SIN3A: variants seen among roughly 807,000 people sequenced by gnomAD.
SIN3A encodes the protein paired amphipathic helix protein Sin3a.
Under a neutral mutation model 146.1 loss-of-function variants are expected in SIN3A, and 14 were observed. That is an observed-to-expected ratio of 0.10 (90% CI 0.06 to 0.15). The LOEUF is 0.15. Among genes scored for constraint, SIN3A ranks in the 10% least tolerant of loss-of-function variants. The probability of loss-of-function intolerance (pLI) is 1.00; values close to 1 mark genes in which losing one functional copy is unlikely to be tolerated. For missense variants in SIN3A, 1,028 were observed against 1,576.0 expected (o/e 0.65, Z 5.89); for synonymous variants, 572 against 572.0 (o/e 1.00, Z 0.00).
chr15:75,447,426 T>C (rs771697884), intron 1 of SIN3A, among the ~76,000 whole-genome samples: 7 of 152,216 alleles, frequency 4.6e-5, no homozygotes, highest in Non-Finnish European at 7.3e-5. Context: ...AGTGGAGACC[T>C]TGAGTGGGCC....
In SIN3A at chr15:75,371,912, G is replaced by A. The variant is rs2072758169; in HGVS notation, c.*67C>T. The A allele has an allele frequency of 1.0e-5, 14 of 1,381,558 alleles. No homozygotes were observed. The highest frequency in any genetic ancestry group is 1.2e-5 in the Non-Finnish European group (12 of 976,952). 85.6% of individuals were successfully genotyped at this position (1,381,558 alleles called of 1,614,324 possible). On this transcript the variant is annotated 3_prime_UTR_variant, in exon 21 of 21. Transcript: ENST00000394947. ...AAGGCATCTTCCTTGTTTCTTCAGT[G>A]TGTGAGTGCATAGGCCCACACACAC...
At position 75,401,869 on chromosome 15, in the gene SIN3A, T is replaced by C. The variant is rs750177466; in HGVS notation, c.1509A>G (p.Leu503=). 21 of 1,608,426 alleles carry C rather than the reference T, an allele frequency of 1.3e-5. 1 individual carries two copies. The South Asian group carries it at 2.3e-4, about 18-fold the overall frequency. ...TCACTTACCCCAGGAAAGGAGAGAC[T>C]AGTTGCACAAGCTCAGCACGAGAGA... The part of the protein sequence containing the change: ...EVISRAELVQ[L]VSPFLGKFPE... The change falls in exon 10 of 21, where the codon CTA becomes CTG. Residue 503 remains leucine (L), a synonymous_variant. Coordinates refer to ENST00000394947, the MANE Select transcript of SIN3A (RefSeq NM_001145358.2).
intron 3 of SIN3A, chr15:75,416,167 G>A (rs2073732220): frequency 5.8e-6 from 1 of 172,266 alleles, no homozygotes. Context: ...CTAAAGCAGT[G>A]TTGTTATCGC....
upstream of SIN3A, chr15:75,453,753 A>C (rs553842452): frequency 6.6e-6 from 1 of 152,450 alleles, no homozygotes; most frequent in African/African-American, 2.4e-5. Context: ...CAGGGTTAGA[A>C]CTTTAGTACT....
chr15:75,377,332 T>C (rs1336917057), intron 19 of SIN3A, among the ~76,000 whole-genome samples: 1 of 152,138 alleles, frequency 6.6e-6, no homozygotes, highest in African/African-American at 2.4e-5. Context: ...CACTTAAGAA[T>C]GTTTCTGATG....
intron 16 of SIN3A, 113 bp downstream of exon 16, chr15:75,389,539 C>A: frequency 2.0e-6 from 2 of 1,007,978 alleles, no homozygotes; most frequent in Non-Finnish European, 3.0e-6. Context: ...CTTCAGAACC[C>A]TACGTTCATA....
chr15:75,436,613 AG>A (rs2074112387), intron 1 of SIN3A, among the ~76,000 whole-genome samples: 1 of 152,216 alleles, frequency 6.6e-6, no homozygotes, highest in South Asian at 2.1e-4. Flanking sequence ...TGTTAAACCT[AG>A]TAGTAGAAAA....
intron 1 of SIN3A, among the ~76,000 whole-genome samples, chr15:75,434,557 C>T (rs1441054160): frequency 2.7e-5 from 4 of 148,704 alleles, no homozygotes; most frequent in African/African-American, 1.0e-4. Flanking sequence ...GGCTGAGGCA[C>T]GAGAATCACT....
Position 75,429,940 on chromosome 15 carries a change from G to C in SIN3A, c.189+247C>G, listed in dbSNP as rs118153194. 230 of 371,256 alleles carry C rather than the reference G, an allele frequency of 6.2e-4. 1 individual carries two copies. Among genetic ancestry groups the C allele is most frequent in the Admixed American group, 1.1e-3 (25 of 23,448 alleles). 23.0% of individuals were successfully genotyped at this position (371,256 alleles called of 1,614,324 possible). A position where few individuals can be genotyped will look rare whatever the true frequency, so the allele number is the denominator to read the frequency against. Reference sequence around the variant, plus strand: ...AAGGGAATGATAAATACAAAGTTTAGATCAGTGGCTACCTCTGAAGGGAGG... The same window carrying C: ...AAGGGAATGATAAATACAAAGTTTACATCAGTGGCTACCTCTGAAGGGAGG... On this transcript the variant is annotated intron_variant, in intron 2 of 20. Coordinates refer to ENST00000394947, the MANE Select transcript of SIN3A (RefSeq NM_001145358.2).
intron 2 of SIN3A, among the ~76,000 whole-genome samples, chr15:75,427,256 C>G (rs928123663): frequency 2.0e-5 from 3 of 152,106 alleles, no homozygotes; most frequent in African/African-American, 7.2e-5. Flanking sequence ...GCCTGTAATC[C>G]CAGCGACTCA....
At chr15:75,374,865 C>A (rs1481895119) in intron 20 of SIN3A, among the ~76,000 whole-genome samples, 1 of 152,216 alleles carries the variant, frequency 6.6e-6, no homozygotes, top group Non-Finnish European at 1.5e-5. Flanking sequence ...GATCACTTCA[C>A]CTGATTTGTT....
At chr15:75,414,170 G>A in intron 4 of SIN3A, 35 bp downstream of exon 4, 1 of 1,095,726 alleles carries the variant, frequency 9.1e-7, no homozygotes, top group Non-Finnish European at 1.3e-6. Context: ...CAATATGCCA[G>A]ATACAAAGCT....
intron 2 of SIN3A, chr15:75,429,971 G>A (rs910544409): frequency 6.2e-6 from 3 of 486,426 alleles, no homozygotes; most frequent in Non-Finnish European, 7.2e-6. Context: ...GGAGGGAAAA[G>A]AAGGGAGCAG....
rs1411489595 is a variant in SIN3A at position 75,389,718 on chromosome 15, C to T, written c.2955G>A (p.Glu985=). 4.3e-6 allele frequency: 7 copies of T among 1,614,022 alleles called. No individual in the cohort carries two copies. The highest frequency in any genetic ancestry group is 5.9e-6 in the Non-Finnish European group (7 of 1,180,004). ...CAATGTAGGCATGAATGGTGAACAT[C>T]TCTCTCAGTGAATCTTCATACTGTG... ...DSSQYEDSLR[E]MFTIHAYIAF... Residue 985 remains glutamate, a synonymous_variant, in exon 16 of 21, where the codon GAG becomes GAA. Coordinates refer to ENST00000394947, the MANE Select transcript of SIN3A (RefSeq NM_001145358.2).
intron 2 of SIN3A, 56 bp from the exon 3 acceptor site, chr15:75,422,879 A>G (rs2073862722): frequency 6.5e-7 from 1 of 1,527,446 alleles, no homozygotes. Flanking sequence ...TCTTCCCCAA[A>G]TGAGTCTAAA....
intron 12 of SIN3A, among the ~76,000 whole-genome samples, chr15:75,397,760 G>C (rs568146017): frequency 5.3e-5 from 8 of 152,240 alleles, no homozygotes; most frequent in African/African-American, 1.9e-4. Context: ...GTCACAAATG[G>C]GAAATGAAGT....
upstream of SIN3A, among the ~76,000 whole-genome samples, chr15:75,454,731 T>G (rs1300335826): frequency 6.7e-6 from 1 of 149,978 alleles, no homozygotes; most frequent in Non-Finnish European, 1.5e-5. Context: ...CAGCAGCACC[T>G]CGCGGGAAGG....
At chr15:75,454,252 G>GAA (rs141938235), upstream of SIN3A, among the ~76,000 whole-genome samples, 7 of 152,204 alleles carry the variant, frequency 4.6e-5, no homozygotes, top group East Asian at 3.9e-4. Context: ...CCAAGAAGGA[G>GAA]AAAAAAAGGG....
At chr15:75,440,674 A>T (rs1297748457) in intron 1 of SIN3A, among the ~76,000 whole-genome samples, 2 of 151,720 alleles carry the variant, frequency 1.3e-5, no homozygotes, top group African/African-American at 4.8e-5. Context: ...CATTCTATAA[A>T]TTTTTTGTTT....
Sources: allele counts gnomAD v4.1 joint callset (sites outside exome capture counted in the v4.1 genomes callset), GRCh38; gene constraint gnomAD v4.1.1; transcripts MANE v1.5; gene names NCBI Gene and HGNC (gene_info 2026-07-23, HGNC 2026-07-21).